The following RIT2 variants were observed in gnomAD, a reference collection of about 807,000 sequenced individuals.
The protein encoded by RIT2 is GTP-binding protein Rit2.
Under a neutral mutation model 23.7 loss-of-function variants are expected in RIT2, and 24 were observed. The ratio of observed to expected loss-of-function variants is 1.01; its 90% confidence interval spans 0.73 to 1.43. The LOEUF (loss-of-function observed/expected upper bound fraction) is 1.43. RIT2 is among the 40% of genes most tolerant of loss of function. The probability of loss-of-function intolerance (pLI) is 0.00; values close to 1 mark genes in which losing one functional copy is unlikely to be tolerated. For missense variants in RIT2, 236 were observed against 266.9 expected (o/e 0.88, Z 0.81); for synonymous variants, 107 against 91.1 (o/e 1.17, Z -0.99).
chr18:43,109,007 G>C (rs981526863), intron 1 of RIT2, among the ~76,000 whole-genome samples: 2 of 152,218 alleles, frequency 1.3e-5, no homozygotes, highest in Non-Finnish European at 2.9e-5. Flanking sequence ...GAGGCTGTGG[G>C]ACATGAATGA....
intron 2 of RIT2, among the ~76,000 whole-genome samples, chr18:43,017,960 C>T (rs1911511106): frequency 6.6e-6 from 1 of 152,022 alleles, no homozygotes; most frequent in East Asian, 1.9e-4. Context: ...CAACCTGATA[C>T]ACACACGTTT....
At chr18:43,080,926 T>C (rs1257765420) in intron 1 of RIT2, among the ~76,000 whole-genome samples, 2 of 152,176 alleles carry the variant, frequency 1.3e-5, no homozygotes, top group East Asian at 1.9e-4. Flanking sequence ...TGAAAAAGGA[T>C]TCTGTTTAGA....
intron 4 of RIT2, among the ~76,000 whole-genome samples, chr18:42,836,705 A>G (rs1446687437): frequency 6.6e-6 from 1 of 152,148 alleles, no homozygotes; most frequent in Admixed American, 6.5e-5. Context: ...TCTGCTGAGT[A>G]AAGTAATGTT....
chr18:43,111,636 A>G (rs974823807), intron 1 of RIT2, among the ~76,000 whole-genome samples: 4 of 152,038 alleles, frequency 2.6e-5, no homozygotes, highest in Non-Finnish European at 2.9e-5. Context: ...TTTAGCATAA[A>G]CCCCAAATAA....
At chr18:42,993,505 C>T (rs967335437) in intron 2 of RIT2, among the ~76,000 whole-genome samples, 2 of 152,158 alleles carry the variant, frequency 1.3e-5, no homozygotes, top group Non-Finnish European at 2.9e-5. Context: ...GTTTCCCTTG[C>T]CTCCATAACT....
Position 43,026,948 on chromosome 18 carries a change from T to C in RIT2, c.160+6863A>G, listed in dbSNP as rs551930141. Among the ~76,000 whole-genome samples the C allele has an allele frequency of 5.9e-5, 9 of 152,166 alleles. No homozygotes were observed. In the East Asian group the frequency reaches 1.6e-3, roughly 26 times the overall value. On this transcript the variant is annotated intron_variant, in intron 2 of 4. Coordinates refer to ENST00000326695, the MANE Select transcript of RIT2 (RefSeq NM_002930.4). Reference sequence around the variant, plus strand: ...TGCAAGAAGACCAAATGCTGAGTCTTAGGTAAACAGGAAGAACCAGACAGT... The same window carrying C: ...TGCAAGAAGACCAAATGCTGAGTCTCAGGTAAACAGGAAGAACCAGACAGT...
intron 4 of RIT2, among the ~76,000 whole-genome samples, chr18:42,798,179 TA>T (rs1267319861): frequency 6.6e-6 from 1 of 152,260 alleles, no homozygotes; most frequent in Non-Finnish European, 1.5e-5. Flanking sequence ...TGTCTTCAGT[TA>T]TTCAAAATTC....
chr18:43,035,389 GTGGATA>G (rs1261274857), intron 1 of RIT2, among the ~76,000 whole-genome samples: 1 of 152,168 alleles, frequency 6.6e-6, no homozygotes, highest in Non-Finnish European at 1.5e-5. Context: ...TGTTTATTAA[GTGGATA>G]TGAAGAAGCA....
chr18:42,749,090 C>G (rs995700449), intron 4 of RIT2, among the ~76,000 whole-genome samples: 3 of 151,730 alleles, frequency 2.0e-5, no homozygotes, highest in East Asian at 3.8e-4. Context: ...TGACTTTATC[C>G]TAAAGTGAAT....
intron 3 of RIT2, among the ~76,000 whole-genome samples, chr18:42,956,707 C>T (rs562677917): frequency 6.6e-6 from 1 of 151,502 alleles, no homozygotes; most frequent in East Asian, 1.9e-4. Flanking sequence ...GGTGTTGTCT[C>T]GGTTATTACT....
chr18:42,908,061 C>A, intron 4 of RIT2, among the ~76,000 whole-genome samples: 1 of 145,668 alleles, frequency 6.9e-6, no homozygotes, highest in African/African-American at 2.5e-5. Flanking sequence ...AATCTCAGGA[C>A]ATAAATAGAA....
chr18:42,944,811 C>T (rs1909689609), intron 3 of RIT2, among the ~76,000 whole-genome samples: 1 of 152,012 alleles, frequency 6.6e-6, no homozygotes, highest in Admixed American at 6.6e-5. Context: ...TAGATTAATA[C>T]TCAAAGATTC....
intron 1 of RIT2, among the ~76,000 whole-genome samples, chr18:43,043,677 C>T (rs182099744): frequency 6.6e-6 from 1 of 152,168 alleles, no homozygotes; most frequent in East Asian, 1.9e-4. Flanking sequence ...GTAATCCCAG[C>T]TACTCGGGAA....
chr18:42,833,214 A>C (rs890526822), intron 4 of RIT2, among the ~76,000 whole-genome samples: 5 of 152,132 alleles, frequency 3.3e-5, no homozygotes, highest in African/African-American at 1.2e-4. Flanking sequence ...CAGTCTTTTC[A>C]GCTCCTGCAT....
At chr18:42,808,325 G>T (rs1905742209) in intron 4 of RIT2, among the ~76,000 whole-genome samples, 2 of 152,266 alleles carry the variant, frequency 1.3e-5, no homozygotes, top group South Asian at 2.1e-4. Flanking sequence ...TCTGGAAAAT[G>T]ATGTACTTCA....
rs143207329 is a variant in RIT2, at chr18:42,818,019, A to G, written c.427-74299T>C. Among the ~76,000 whole-genome samples the G allele has an allele frequency of 3.4e-4, 52 of 152,126 alleles. 1 individual carries two copies. In the East Asian group the frequency reaches 9.5e-3, roughly 28 times the overall value. ...CCTAACACATATTAAAGTAGGTATTATTAGAGTAATATATTTGTCAGGTTA... is the reference window on the plus strand; with the variant it reads ...CCTAACACATATTAAAGTAGGTATTGTTAGAGTAATATATTTGTCAGGTTA... On this transcript the variant is annotated intron_variant, in intron 4 of 4. Coordinates refer to ENST00000326695, the MANE Select transcript of RIT2 (RefSeq NM_002930.4).
At chr18:42,783,680 GGAGT>G (rs1913861978) in intron 4 of RIT2, among the ~76,000 whole-genome samples, 1 of 152,076 alleles carries the variant, frequency 6.6e-6, no homozygotes, top group South Asian at 2.1e-4. Flanking sequence ...TCTGCTTAGA[GGAGT>G]GAGTTGGGAG....
intron 4 of RIT2, among the ~76,000 whole-genome samples, chr18:42,852,024 G>A (rs1412291723): frequency 2.6e-5 from 4 of 152,050 alleles, no homozygotes; most frequent in Non-Finnish European, 5.9e-5. Context: ...CACCAGGGTA[G>A]TGAGTCTGAT....
intron 1 of RIT2, among the ~76,000 whole-genome samples, chr18:43,040,522 C>T (rs1367665753): frequency 6.6e-6 from 1 of 152,132 alleles, no homozygotes; most frequent in Non-Finnish European, 1.5e-5. Flanking sequence ...TCAAGGCCTC[C>T]TCTGAGTTCT....
Sources: gnomAD v4.1 joint callset for allele counts (sites outside exome capture counted in the v4.1 genomes callset) on GRCh38, gnomAD v4.1.1 for gene constraint, MANE v1.5 for transcripts, NCBI Gene and HGNC (gene_info 2026-07-23, HGNC 2026-07-21) for gene names.